Variants in DNAH11 observed in about 807,000 individuals in gnomAD.
DNAH11 encodes dynein axonemal heavy chain 11.
DNAH11 carries 442 observed loss-of-function variants against 526.0 expected under a neutral mutation model. That is an observed-to-expected ratio of 0.84 (90% CI 0.78 to 0.91). The LOEUF is 0.91. DNAH11 is among the 40% of genes least tolerant of loss of function. The probability of loss-of-function intolerance (pLI) is 0.00; values close to 1 mark genes in which losing one functional copy is unlikely to be tolerated. For missense variants in DNAH11, 6,989 were observed against 5,448.7 expected (o/e 1.28, Z -8.90); for synonymous variants, 2,461 against 1,935.9 (o/e 1.27, Z -7.12).
At chr7:21,690,736 T>C in intron 34 of DNAH11, 29 bp from the exon 35 acceptor site, 1 of 1,534,434 alleles carries the variant, frequency 6.5e-7, no homozygotes, top group Non-Finnish European at 9.0e-7. Context: ...TGAACACATT[T>C]AATTTCATCA....
intron 5 of DNAH11, chr7:21,561,485 C>T (rs1476104645): frequency 4.6e-6 from 1 of 219,742 alleles, no homozygotes; most frequent in Non-Finnish European, 8.8e-6. Context: ...GTTTTCCAAT[C>T]AACAGATTGG....
In DNAH11 at chr7:21,681,677, G is replaced by C; in HGVS notation, c.5460G>C (p.Lys1820Asn). ...TGGTGGCAAAACTTATTTCTCAGAA[G>C]GCAAGTTGTTTGTAGAAATTTTATG... ...RDVVAKLISQ[K>N]VVSPQAFTWL... The change falls in exon 31 of 82, where the codon AAG becomes AAC. Residue 1820 changes from lysine (K) to asparagine (N), a missense_variant and splice_region_variant. Coordinates refer to ENST00000409508, the MANE Select transcript of DNAH11 (RefSeq NM_001277115.2). 2 of 1,613,844 alleles carry C rather than the reference G, an allele frequency of 1.2e-6. No homozygotes were observed. The highest frequency in any genetic ancestry group is 1.7e-6 in the Non-Finnish European group (2 of 1,179,786).
intron 18 of DNAH11, among the ~76,000 whole-genome samples, chr7:21,606,044 A>G (rs1158261722): frequency 2.0e-5 from 3 of 152,192 alleles, no homozygotes; most frequent in Non-Finnish European, 4.4e-5. Flanking sequence ...AATCATTTAC[A>G]TGGACATGGT....
At chr7:21,686,748 A>T (rs773792850) in intron 32 of DNAH11, among the ~76,000 whole-genome samples, 1 of 152,142 alleles carries the variant, frequency 6.6e-6, no homozygotes, top group Non-Finnish European at 1.5e-5. Context: ...CTTTATAAAC[A>T]ATAGTTTGGA....
intron 68 of DNAH11, 105 bp downstream of exon 68, chr7:21,854,560 C>T: frequency 1.7e-6 from 2 of 1,190,886 alleles, no homozygotes; most frequent in South Asian, 1.7e-5. Flanking sequence ...ACTATTATTA[C>T]TATTATTGAG....
chr7:21,772,350 T>G (rs373670263), intron 55 of DNAH11, among the ~76,000 whole-genome samples: 67 of 131,880 alleles, frequency 5.1e-4, no homozygotes, highest in Middle Eastern at 3.8e-3. Flanking sequence ...TTTTTCTTCT[T>G]TCTTTCTTTT....
At chr7:21,835,932 A>G (rs533362395) in intron 65 of DNAH11, among the ~76,000 whole-genome samples, 1 of 152,238 alleles carries the variant, frequency 6.6e-6, no homozygotes, top group Admixed American at 6.5e-5. Flanking sequence ...TACAAAATCA[A>G]CATACATAAG....
chr7:21,717,653 C>G, intron 42 of DNAH11, 122 bp from the exon 43 acceptor site: 1 of 1,123,204 alleles, frequency 8.9e-7, no homozygotes, highest in South Asian at 1.9e-5. Flanking sequence ...ATAGAACGAA[C>G]TCACTAAACG....
At chr7:21,559,459 C>T (rs1783357560) in intron 3 of DNAH11, 144 bp from the exon 4 acceptor site, 1 of 688,896 alleles carries the variant, frequency 1.5e-6, no homozygotes, top group Non-Finnish European at 2.3e-6. Flanking sequence ...CCCCACAACT[C>T]AAATCAAGAC....
intron 62 of DNAH11, among the ~76,000 whole-genome samples, chr7:21,801,832 A>G (rs1789008746): frequency 6.6e-6 from 1 of 152,190 alleles, no homozygotes; most frequent in Non-Finnish European, 1.5e-5. Flanking sequence ...TTGTTGTTAC[A>G]TCTTTTTATG....
chr7:21,727,413 C>T (rs1342562100), intron 45 of DNAH11, among the ~76,000 whole-genome samples: 1 of 152,158 alleles, frequency 6.6e-6, no homozygotes, highest in Non-Finnish European at 1.5e-5. Flanking sequence ...TCACGTATAA[C>T]GTTCTTCTTA....
At chr7:21,672,720 T>G (rs1294746311) in intron 30 of DNAH11, among the ~76,000 whole-genome samples, 1 of 152,332 alleles carries the variant, frequency 6.6e-6, no homozygotes, top group South Asian at 2.1e-4. Flanking sequence ...AGGAAGATTT[T>G]TTTTCTTTGT....
chr7:21,607,513 A>G (rs926682661), intron 20 of DNAH11, among the ~76,000 whole-genome samples: 8 of 152,294 alleles, frequency 5.3e-5, no homozygotes, highest in Middle Eastern at 3.4e-3. Flanking sequence ...AGTAACAACT[A>G]CTACTATTTT....
At position 21,570,180 on chromosome 7, in the gene DNAH11, A is replaced by T. The variant is rs1174631174; in HGVS notation, c.1306A>T (p.Asn436Tyr). 6.2e-7 allele frequency: 1 copy of T among 1,613,502 alleles called. No homozygotes were observed. Among genetic ancestry groups the T allele is most frequent in the Non-Finnish European group, 8.5e-7 (1 of 1,179,728 alleles). ...AAAGACTTTCAAAAACTCCTTTTTC[A>T]ACTATAGAAAAAAATTGGCAAGCTA... ...ILKTFKNSFF[N>Y]YRKKLASYFM... The change falls in exon 7 of 82, where the codon AAC (asparagine) becomes TAC (tyrosine). Residue 436 changes from asparagine to tyrosine, a missense_variant. Coordinates refer to ENST00000409508, the MANE Select transcript of DNAH11 (RefSeq NM_001277115.2).
At chr7:21,745,224 A>G (rs763879075) in intron 51 of DNAH11, among the ~76,000 whole-genome samples, 161 bp downstream of exon 51, 1 of 152,228 alleles carries the variant, frequency 6.6e-6, no homozygotes, top group Non-Finnish European at 1.5e-5. Context: ...TTTTAATGTC[A>G]CAATCTTAAT....
At chr7:21,689,033 T>C (rs1343441250) in intron 34 of DNAH11, among the ~76,000 whole-genome samples, 1 of 152,210 alleles carries the variant, frequency 6.6e-6, no homozygotes, top group African/African-American at 2.4e-5. Flanking sequence ...AGTTTCCAGG[T>C]TATCAGGAGA....
chr7:21,675,962 G>A lies in DNAH11; in HGVS notation c.5329-5584G>A, dbSNP rs963018337. ...TGAAGTACAGCTTTGAATAATGAGA[G>A]GAAGCCAGTCATACAAGGATTAGAG... On this transcript the variant is annotated intron_variant, in intron 30 of 81. Coordinates refer to ENST00000409508, the MANE Select transcript of DNAH11 (RefSeq NM_001277115.2). Among the ~76,000 whole-genome samples the A allele has an allele frequency of 2.0e-5, 3 of 152,094 alleles. 1 individual carries two copies. Among genetic ancestry groups the A allele is most frequent in the Non-Finnish European group, 1.5e-5 (1 of 68,016 alleles).
chr7:21,544,243 A>T (rs979752230), intron 1 of DNAH11, among the ~76,000 whole-genome samples: 1 of 152,168 alleles, frequency 6.6e-6, no homozygotes, highest in African/African-American at 2.4e-5. Flanking sequence ...TTCAAGTATG[A>T]TGAGTTTGGA....
At chr7:21,823,264 T>A (rs555194602) in intron 65 of DNAH11, among the ~76,000 whole-genome samples, 2 of 152,240 alleles carry the variant, frequency 1.3e-5, no homozygotes, top group South Asian at 2.1e-4. Context: ...ATTTTACCAG[T>A]CTAACTCTTC....
Sources: allele counts gnomAD v4.1 joint callset (sites outside exome capture counted in the v4.1 genomes callset), GRCh38; gene constraint gnomAD v4.1.1; transcripts MANE v1.5; gene names NCBI Gene and HGNC (gene_info 2026-07-23, HGNC 2026-07-21).